The following SAMM50 variants were observed in gnomAD, a reference collection of about 807,000 sequenced individuals.
SAMM50 encodes SAMM50 sorting and assembly machinery component, also known as sorting and assembly machinery component 50 homolog.
A neutral mutation model predicts 66.9 loss-of-function variants in SAMM50; 47 were observed. The ratio of observed to expected loss-of-function variants is 0.70; its 90% confidence interval spans 0.56 to 0.90. The LOEUF is 0.90. Among genes scored for constraint, SAMM50 ranks in the 40% least tolerant of loss-of-function variants. SAMM50 has a pLI of 0.00. For missense variants in SAMM50, 535 were observed against 595.3 expected, an observed-to-expected ratio of 0.90 and a Z score of 1.05; for synonymous variants, 191 against 214.1, an observed-to-expected ratio of 0.89 and a Z score of 0.94.
chr22:43,982,720 C>T (rs1023451823), intron 11 of SAMM50, among the ~76,000 whole-genome samples: 4 of 152,254 alleles, frequency 2.6e-5, no homozygotes, highest in African/African-American at 9.6e-5. Context: ...ACTACAACCT[C>T]TACCTCCCGG....
Position 43,992,296 on chromosome 22 carries a change from C to T in SAMM50, c.1364+1890C>T, listed in dbSNP as rs181670052. On this transcript the variant is annotated intron_variant, in intron 14 of 14. Coordinates refer to ENST00000350028, the MANE Select transcript of SAMM50 (RefSeq NM_015380.5). ...GCAGTCTGCGTCTGTCATTCAGGTC[C>T]TTTACGGTTATTGCTTCAGCGGAAT... Among the ~76,000 whole-genome samples, 83 of 152,356 alleles carry T rather than the reference C, an allele frequency of 5.4e-4. 1 individual carries two copies. Among genetic ancestry groups the T allele is most frequent in the African/African-American group, 1.8e-3 (76 of 41,584 alleles).
At chr22:43,957,746 A>G (rs2050127425) in intron 1 of SAMM50, among the ~76,000 whole-genome samples, 1 of 151,368 alleles carries the variant, frequency 6.6e-6, no homozygotes, top group Non-Finnish European at 1.5e-5. Flanking sequence ...ATTTCTGTCC[A>G]GATGTCCAGA....
chr22:43,979,778 G>A (rs925008821), intron 10 of SAMM50, among the ~76,000 whole-genome samples: 1 of 152,042 alleles, frequency 6.6e-6, no homozygotes, highest in Admixed American at 6.6e-5. Flanking sequence ...TCATCACTGT[G>A]CCTGTCTCAT....
rs58022542 is a variant in SAMM50 at position 43,962,881 on chromosome 22, A to ATTTTTTTTTTT, written c.22-382_22-372dup. Among the ~76,000 whole-genome samples, 73 of 65,514 alleles carry ATTTTTTTTTTT rather than the reference A, an allele frequency of 1.1e-3. 12 individuals carry two copies. The highest frequency in any genetic ancestry group is 1.9e-3 in the East Asian group (3 of 1,618). The allele number at this position is 65,514 out of a possible 152,430, so 43.0% of individuals were successfully genotyped here. A position where few individuals can be genotyped will look rare whatever the true frequency, so the allele number is the denominator to read the frequency against. The stretch of plus-strand genomic sequence containing the variant: ...GATTTGTGCGTGACCCTTTTGGTTA[A>ATTTTTTTTTTT]TTTTTTTTTTTTTTTTTTTTTTTTT... On this transcript the variant is annotated intron_variant, in intron 1 of 14. Coordinates refer to ENST00000350028, the MANE Select transcript of SAMM50 (RefSeq NM_015380.5).
chr22:43,972,779 G>A, intron 5 of SAMM50, 92 bp from the exon 6 acceptor site: 1 of 1,194,538 alleles, frequency 8.4e-7, no homozygotes, highest in Non-Finnish European at 1.2e-6. Context: ...CTGTTTTTAT[G>A]AAAGTCCCTT....
rs774581921 is a variant in SAMM50 at position 43,983,117 on chromosome 22, C to T, written c.1008-816C>T. ...TTGGTAGGAAAACCAGAAAAAGCCG[C>T]GCCCTGTTCCCTTTGTGCTGTTGCA... On this transcript the variant is annotated intron_variant, in intron 11 of 14. Transcript: ENST00000350028. The surrounding 1 kb of genome is among the most constrained non-coding windows in gnomAD (Gnocchi z 4.2). Among the ~76,000 whole-genome samples the T allele has an allele frequency of 1.1e-4, 16 of 152,340 alleles. No individual in the cohort carries two copies. Among genetic ancestry groups the T allele is most frequent in the Non-Finnish European group, 2.1e-4 (14 of 68,034 alleles).
At chr22:43,979,072 CTT>C (rs1442729824) in intron 10 of SAMM50, among the ~76,000 whole-genome samples, 1 of 152,302 alleles carries the variant, frequency 6.6e-6, no homozygotes, top group Admixed American at 6.5e-5. Flanking sequence ...CCTGTTCTCA[CTT>C]TATCTCTCTT....
chr22:43,959,507 TACACACACACACACACACAC>T, intron 1 of SAMM50, among the ~76,000 whole-genome samples: 1 of 138,586 alleles, frequency 7.2e-6, no homozygotes, highest in East Asian at 2.2e-4. Flanking sequence ...TTTTTTATAT[TACACACACACACACACACAC>T]ACACACACAC....
intron 3 of SAMM50, 91 bp downstream of exon 3, chr22:43,964,644 C>T (rs763690176): frequency 8.7e-6 from 6 of 692,952 alleles, no homozygotes; most frequent in East Asian, 2.9e-5. Flanking sequence ...ACCCTGCGCC[C>T]GGCCTCTGTG....
intron 8 of SAMM50, 129 bp downstream of exon 8, chr22:43,976,312 G>A: frequency 1.9e-6 from 2 of 1,047,598 alleles, no homozygotes; most frequent in Middle Eastern, 2.3e-4. Context: ...CACAGTGGCG[G>A]CCCCCACTCC....
chr22:43,962,476 C>A (rs1169692860), intron 1 of SAMM50, among the ~76,000 whole-genome samples: 1 of 152,202 alleles, frequency 6.6e-6, no homozygotes, highest in Admixed American at 6.5e-5. Context: ...ACAGAATGCT[C>A]ATTCAGAAGT....
intron 4 of SAMM50, 30 bp from the exon 5 acceptor site, chr22:43,972,206 T>A: frequency 7.3e-7 from 1 of 1,378,800 alleles, no homozygotes; most frequent in Non-Finnish European, 1.0e-6. Context: ...ACATCCTGGC[T>A]GTCTTATTGT....
rs2050250309 is a variant in SAMM50 at position 43,979,305 on chromosome 22, C to A, written c.936+1347C>A. ...CTTCCTGGGCCCAGATTCAAGTGCT[C>A]CTGGCTGTCTCAGCCCCTACCTTAC... is the stretch of plus-strand genomic sequence containing the variant. On this transcript the variant is annotated intron_variant, in intron 10 of 14. Coordinates refer to ENST00000350028, the MANE Select transcript of SAMM50 (RefSeq NM_015380.5). Among the ~76,000 whole-genome samples, 5 of 152,228 alleles carry A rather than the reference C, an allele frequency of 3.3e-5. No homozygotes were observed. The South Asian group carries it at 1.0e-3, about 31-fold the overall frequency.
At chr22:43,993,018 GTTTC>G (rs2050333460) in intron 14 of SAMM50, among the ~76,000 whole-genome samples, 1 of 152,258 alleles carries the variant, frequency 6.6e-6, no homozygotes, top group Admixed American at 6.5e-5. Flanking sequence ...GGTTTTGCAA[GTTTC>G]TTTCTATGAA....
At chr22:43,979,709 C>G (rs1372098634) in intron 10 of SAMM50, among the ~76,000 whole-genome samples, 1 of 152,024 alleles carries the variant, frequency 6.6e-6, no homozygotes, top group Admixed American at 6.6e-5. Context: ...CAAGCCTTAC[C>G]ATATCACTTT....
chr22:43,987,036 T>C (rs923802773), intron 12 of SAMM50: 3 of 152,248 alleles, frequency 2.0e-5, no homozygotes, highest in Admixed American at 1.3e-4. Flanking sequence ...ATTTCATCTG[T>C]TTATTATAAG....
chr22:43,979,524 C>G (rs1214076214), intron 10 of SAMM50, among the ~76,000 whole-genome samples: 2 of 152,216 alleles, frequency 1.3e-5, no homozygotes, highest in Admixed American at 6.5e-5. Flanking sequence ...CTCATCCGCA[C>G]TGAACCAATG....
chr22:43,982,720 C>G (rs1023451823), intron 11 of SAMM50, among the ~76,000 whole-genome samples: 2 of 152,372 alleles, frequency 1.3e-5, no homozygotes, highest in Middle Eastern at 3.4e-3. Flanking sequence ...ACTACAACCT[C>G]TACCTCCCGG....
At chr22:43,979,793 C>T (rs1215307524) in intron 10 of SAMM50, among the ~76,000 whole-genome samples, 3 of 152,064 alleles carry the variant, frequency 2.0e-5, no homozygotes, top group African/African-American at 4.8e-5. Flanking sequence ...TCTCATGCTT[C>T]GGCTCTGTGG....
Sources: gnomAD v4.1 joint callset for allele counts (sites outside exome capture counted in the v4.1 genomes callset) on GRCh38, gnomAD v4.1.1 for gene constraint, Gnocchi (gnomAD v3.1) non-coding constraint, MANE v1.5 for transcripts, NCBI Gene and HGNC (gene_info 2026-07-23, HGNC 2026-07-21) for gene names.